The following SLC12A2 variants were observed in gnomAD, a reference collection of about 807,000 sequenced individuals.
The protein encoded by SLC12A2 is Na-K-2Cl cotransporter 1.
In SLC12A2, 67 loss-of-function variants were observed where a neutral mutation model predicts 136.3. The ratio of observed to expected loss-of-function variants is 0.49; its 90% CI spans 0.40 to 0.60. The LOEUF (loss-of-function observed/expected upper bound fraction) is 0.60, where lower values mean the gene tolerates loss of function less well. Among genes scored for constraint, SLC12A2 ranks in the 20% least tolerant of loss-of-function variants. The pLI is 0.00. For missense variants in SLC12A2, 1,322 were observed against 1,534.7 expected (o/e 0.86, Z 2.32); for synonymous variants, 619 against 562.9 (o/e 1.10, Z -1.41).
At chr5:128,171,353 T>C (rs1225972090) in intron 18 of SLC12A2, among the ~76,000 whole-genome samples, 1 of 152,162 alleles carries the variant, frequency 6.6e-6, no homozygotes, top group Non-Finnish European at 1.5e-5. Context: ...AGCGGGATTC[T>C]GAAAGTAGTT....
chr5:128,122,546 A>G (rs1761621811), intron 4 of SLC12A2, among the ~76,000 whole-genome samples: 1 of 152,198 alleles, frequency 6.6e-6, no homozygotes, highest in African/African-American at 2.4e-5. Context: ...AACAAAATTA[A>G]TTTTTATGCA....
intron 4 of SLC12A2, among the ~76,000 whole-genome samples, chr5:128,119,964 C>CA (rs1377283198): frequency 6.6e-6 from 1 of 151,966 alleles, no homozygotes; most frequent in East Asian, 1.9e-4. Context: ...ACTCATCTGA[C>CA]AAAGGGCTAA....
chr5:128,119,201 A>C (rs1761462946), intron 4 of SLC12A2, among the ~76,000 whole-genome samples: 1 of 152,190 alleles, frequency 6.6e-6, no homozygotes, highest in African/African-American at 2.4e-5. Flanking sequence ...TGGTGTCTTA[A>C]AAGGAAATGG....
chr5:128,133,320 T>A (rs1762088188), intron 5 of SLC12A2, among the ~76,000 whole-genome samples: 1 of 152,072 alleles, frequency 6.6e-6, no homozygotes, highest in Admixed American at 6.5e-5. Flanking sequence ...CATCTTTGGA[T>A]CTTTGGATCT....
chr5:128,176,050 TAA>T (rs1763532626), intron 20 of SLC12A2, among the ~76,000 whole-genome samples: 1 of 151,914 alleles, frequency 6.6e-6, no homozygotes, highest in South Asian at 2.1e-4. Flanking sequence ...TTATACATTT[TAA>T]AAAGTCTTCA....
intron 24 of SLC12A2, among the ~76,000 whole-genome samples, chr5:128,183,563 C>T (rs1030096039): frequency 6.6e-6 from 1 of 151,520 alleles, no homozygotes; most frequent in Non-Finnish European, 1.5e-5. Context: ...AGATTTGATA[C>T]TGAAAAATAT....
At position 128,101,234 on chromosome 5, in the gene SLC12A2, A is replaced by T. The variant is rs530224677; in HGVS notation, c.757-11580A>T. Among the ~76,000 whole-genome samples, 407 of 152,280 alleles carry T rather than the reference A, an allele frequency of 2.7e-3. 1 individual carries two copies. Among genetic ancestry groups the T allele is most frequent in the African/African-American group, 9.3e-3 (388 of 41,558 alleles). ...CTTTAGGATGATATAATTGGCCAGT[A>T]CTTGATTAAAAAAAATTGTTAGAAC... On this transcript the variant is annotated intron_variant, in intron 1 of 26. Transcript: ENST00000262461.
chr5:128,160,871 G>A (rs1337880845), intron 16 of SLC12A2, among the ~76,000 whole-genome samples: 3 of 151,856 alleles, frequency 2.0e-5, no homozygotes, highest in African/African-American at 7.3e-5. Context: ...GTGTGTGAGA[G>A]TGCGTGTATG....
chr5:128,131,268 T>A (rs1485605050), intron 5 of SLC12A2, 62 bp downstream of exon 5: 2 of 1,532,402 alleles, frequency 1.3e-6, no homozygotes. Context: ...TATATGCCGA[T>A]CACCATGTTA....
rs990313551 is a variant in SLC12A2 at position 128,116,576 on chromosome 5, G to A, written c.1048+1895G>A. On this transcript the variant is annotated intron_variant, in intron 4 of 26. Coordinates refer to ENST00000262461, the MANE Select transcript of SLC12A2 (RefSeq NM_001046.3). Reference sequence around the variant, plus strand: ...GTTTCCTGAAAAATCTGTTCACAAAGGAAGAACCTAGAGGGTAAAAACCAC... The same window carrying A: ...GTTTCCTGAAAAATCTGTTCACAAAAGAAGAACCTAGAGGGTAAAAACCAC... 1.1e-3 allele frequency among the ~76,000 whole-genome samples: 167 copies of A among 151,940 alleles called. 2 individuals are homozygous for A. The highest frequency in any genetic ancestry group is 3.5e-4 in the Non-Finnish European group (24 of 67,958).
chr5:128,110,617 C>A lies in SLC12A2; in HGVS notation c.757-2197C>A, dbSNP rs1761109120. 3 of 1,058,888 alleles carry A rather than the reference C, an allele frequency of 2.8e-6. No individual in the cohort carries two copies. The African/African-American group carries it at 4.7e-5, about 17-fold the overall frequency. The allele number at this position is 1,058,888 out of a possible 1,614,324, so 65.6% of individuals were successfully genotyped here. ...TGGCATCGTAGCAGCTTATCACCTG[C>A]CATATTTACTAGTTAGTGACAGTGT... On this transcript the variant is annotated intron_variant, in intron 1 of 26. Coordinates refer to ENST00000262461, the MANE Select transcript of SLC12A2 (RefSeq NM_001046.3).
chr5:128,130,706 A>G (rs1421586245), intron 4 of SLC12A2, among the ~76,000 whole-genome samples: 2 of 152,020 alleles, frequency 1.3e-5, no homozygotes, highest in Non-Finnish European at 2.9e-5. Flanking sequence ...CATAAAAATA[A>G]AAGTTACATT....
At position 128,104,293 on chromosome 5, in the gene SLC12A2, A is replaced by G. The variant is rs556058100; in HGVS notation, c.757-8521A>G. On this transcript the variant is annotated intron_variant, in intron 1 of 26. Transcript: ENST00000262461. The stretch of plus-strand genomic sequence containing the variant: ...CAGAATAGCCTCCAAGTAAACTTCC[A>G]AAGTTAAATAACACAAAACTCTATC... 3.9e-5 allele frequency among the ~76,000 whole-genome samples: 6 copies of G among 152,334 alleles called. No individual in the cohort carries two copies. The East Asian group carries it at 9.6e-4, about 24-fold the overall frequency.
At chr5:128,112,286 T>A (rs1761177217) in intron 1 of SLC12A2, among the ~76,000 whole-genome samples, 1 of 152,126 alleles carries the variant, frequency 6.6e-6, no homozygotes. Context: ...AAGCACTGAG[T>A]CACTGCAGAC....
intron 4 of SLC12A2, among the ~76,000 whole-genome samples, chr5:128,120,671 G>A (rs561398727): frequency 3.3e-4 from 50 of 151,806 alleles, no homozygotes; most frequent in Middle Eastern, 3.4e-3. Context: ...AGAACACATG[G>A]ACACAGGAAG....
chr5:128,095,711 A>G (rs1760508782), intron 1 of SLC12A2, among the ~76,000 whole-genome samples: 1 of 152,094 alleles, frequency 6.6e-6, no homozygotes, highest in South Asian at 2.1e-4. Context: ...ATTAGCTATT[A>G]TTAATGTTAG....
chr5:128,109,744 G>C lies in SLC12A2; in HGVS notation c.757-3070G>C, dbSNP rs147141704. On this transcript the variant is annotated intron_variant, in intron 1 of 26. Transcript: ENST00000262461. The stretch of plus-strand genomic sequence containing the variant: ...AGCAATTCACTAGAGTTGGAGTCCA[G>C]GTTTTAGACTAAAAGGATGGGTCCT... 966 of 1,058,262 alleles carry C rather than the reference G, an allele frequency of 9.1e-4. 16 individuals carry two copies. The East Asian group carries it at 0.02, about 22-fold the overall frequency. 65.6% of individuals were successfully genotyped at this position (1,058,262 alleles called of 1,614,324 possible).
At chr5:128,088,939 C>T (rs1175375829) in intron 1 of SLC12A2, among the ~76,000 whole-genome samples, 7 of 152,096 alleles carry the variant, frequency 4.6e-5, no homozygotes, top group East Asian at 3.9e-4. Context: ...GAGGCCGAGG[C>T]GGGTGGATCA....
At chr5:128,142,397 C>T (rs1168610328) in intron 10 of SLC12A2, among the ~76,000 whole-genome samples, 1 of 152,270 alleles carries the variant, frequency 6.6e-6, no homozygotes, top group East Asian at 1.9e-4. Flanking sequence ...GCCACTGCGT[C>T]TGGCCAGTTG....
Sources: gnomAD v4.1 joint callset for allele counts (sites outside exome capture counted in the v4.1 genomes callset) on GRCh38, gnomAD v4.1.1 for gene constraint, MANE v1.5 for transcripts, NCBI Gene and HGNC (gene_info 2026-07-23, HGNC 2026-07-21) for gene names.